The following ROBO2 variants were observed in gnomAD, a reference collection of about 807,000 sequenced individuals.
ROBO2 encodes the protein roundabout guidance receptor 2.
ROBO2 carries 53 observed loss-of-function variants against 160.8 expected under a neutral mutation model. The ratio of observed to expected loss-of-function variants is 0.33; its 90% CI spans 0.26 to 0.41. The LOEUF is 0.41. ROBO2 is among the 10% of genes least tolerant of loss of function. The probability of loss-of-function intolerance (pLI) is 1.00; values close to 1 mark genes in which losing one functional copy is unlikely to be tolerated. For synonymous variants in ROBO2, 664 were observed against 611.7 expected (o/e 1.09, Z -1.26); for missense variants, 1,577 against 1,722.4 (o/e 0.92, Z 1.49).
intron 2 of ROBO2, among the ~76,000 whole-genome samples, chr3:76,799,277 G>GA (rs1336631180): frequency 2.6e-5 from 4 of 151,924 alleles, no homozygotes; most frequent in African/African-American, 9.7e-5. Flanking sequence ...GTATCCTGCT[G>GA]AATGGGAAAA....
intron 2 of ROBO2, among the ~76,000 whole-genome samples, chr3:77,172,195 G>C (rs1389731090): frequency 6.6e-6 from 1 of 152,046 alleles, no homozygotes; most frequent in Non-Finnish European, 1.5e-5. Context: ...GAAGATTTTT[G>C]TCAGTTTCCC....
At chr3:76,474,581 G>A (rs1028366754) in intron 2 of ROBO2, among the ~76,000 whole-genome samples, 2 of 152,120 alleles carry the variant, frequency 1.3e-5, no homozygotes, top group African/African-American at 2.4e-5. Flanking sequence ...ACGACAATAA[G>A]TAAACACACA....
chr3:77,345,413 C>A (rs1351121706), intron 2 of ROBO2, among the ~76,000 whole-genome samples: 2 of 152,132 alleles, frequency 1.3e-5, no homozygotes, highest in Non-Finnish European at 2.9e-5. Context: ...GAGGGGTCTA[C>A]ATGAGGACAT....
At chr3:77,503,824 T>G (rs2088037007) in intron 5 of ROBO2, among the ~76,000 whole-genome samples, 2 of 152,088 alleles carry the variant, frequency 1.3e-5, no homozygotes, top group Admixed American at 1.3e-4. Flanking sequence ...TGGTATGAAT[T>G]AAAAGAGAAG....
At chr3:76,974,856 A>C (rs1359638220) in intron 2 of ROBO2, among the ~76,000 whole-genome samples, 1 of 152,164 alleles carries the variant, frequency 6.6e-6, no homozygotes, top group African/African-American at 2.4e-5. Context: ...TACCATTCAA[A>C]AAAGCAAAAG....
At chr3:77,614,110 A>C (rs1349968102) in intron 21 of ROBO2, among the ~76,000 whole-genome samples, 1 of 152,248 alleles carries the variant, frequency 6.6e-6, no homozygotes, top group East Asian at 1.9e-4. Flanking sequence ...CGGCTTAGAC[A>C]TATTCAATGG....
intron 2 of ROBO2, among the ~76,000 whole-genome samples, chr3:76,059,372 G>C (rs955255044): frequency 3.4e-4 from 52 of 152,134 alleles, no homozygotes; most frequent in African/African-American, 1.2e-3. Flanking sequence ...TCTCATTGTG[G>C]TTTTGATTTG....
At chr3:76,438,465 C>T (rs1000232838) in intron 2 of ROBO2, among the ~76,000 whole-genome samples, 5 of 151,236 alleles carry the variant, frequency 3.3e-5, no homozygotes, top group Non-Finnish European at 7.4e-5. Context: ...GATGGTAGCA[C>T]GTATTTTACA....
intron 2 of ROBO2, among the ~76,000 whole-genome samples, chr3:76,356,865 A>T (rs536846369): frequency 6.6e-6 from 1 of 152,048 alleles, no homozygotes; most frequent in South Asian, 2.1e-4. Flanking sequence ...CCTACTCATA[A>T]AATGTGTTGA....
At chr3:77,127,213 A>G (rs2075419632) in intron 2 of ROBO2, among the ~76,000 whole-genome samples, 2 of 152,048 alleles carry the variant, frequency 1.3e-5, no homozygotes, top group African/African-American at 4.8e-5. Context: ...TATGTTCAGG[A>G]GCACCTTTTT....
At chr3:77,601,326 A>C (rs969098248) in intron 19 of ROBO2, among the ~76,000 whole-genome samples, 6 of 152,300 alleles carry the variant, frequency 3.9e-5, no homozygotes, top group Admixed American at 2.6e-4. Context: ...CAGGATTAAA[A>C]ACAGTGTTAT....
intron 2 of ROBO2, among the ~76,000 whole-genome samples, chr3:76,807,811 G>GA (rs1170995188): frequency 6.6e-6 from 1 of 151,890 alleles, no homozygotes; most frequent in East Asian, 1.9e-4. Flanking sequence ...TATAATATAT[G>GA]AAAAATATTT....
At chr3:77,080,738 C>T (rs1490471455) in intron 1 of ROBO2, among the ~76,000 whole-genome samples, 2 of 152,122 alleles carry the variant, frequency 1.3e-5, no homozygotes, top group African/African-American at 4.8e-5. Context: ...GTGTCCTTTT[C>T]CTGATGCATA....
chr3:76,247,164 T>A (rs146349789), intron 2 of ROBO2, among the ~76,000 whole-genome samples: 128 of 152,250 alleles, frequency 8.4e-4, no homozygotes, highest in African/African-American at 3.0e-3. Context: ...ACTTTTCCAT[T>A]CCTTGTTACT....
At chr3:77,232,202 A>G (rs1234868466) in intron 2 of ROBO2, among the ~76,000 whole-genome samples, 2 of 152,214 alleles carry the variant, frequency 1.3e-5, no homozygotes, top group African/African-American at 4.8e-5. Context: ...TCAATTAGGA[A>G]ACATAAATAA....
At chr3:77,177,975 T>C (rs1173284148) in intron 2 of ROBO2, among the ~76,000 whole-genome samples, 1 of 152,080 alleles carries the variant, frequency 6.6e-6, no homozygotes, top group African/African-American at 2.4e-5. Flanking sequence ...TTCTGAATAT[T>C]TATGTGTCTA....
At chr3:76,985,882 C>T (rs1299741921) in intron 2 of ROBO2, among the ~76,000 whole-genome samples, 2 of 152,180 alleles carry the variant, frequency 1.3e-5, no homozygotes, top group African/African-American at 4.8e-5. Context: ...GGACCATTAA[C>T]TCCATGTGGT....
intron 2 of ROBO2, among the ~76,000 whole-genome samples, chr3:76,679,513 T>C (rs1173085862): frequency 6.6e-6 from 1 of 152,158 alleles, no homozygotes. Flanking sequence ...AGGCATGCTT[T>C]ATGCTGCCTG....
intron 2 of ROBO2, among the ~76,000 whole-genome samples, chr3:77,145,349 C>T (rs1382219841): frequency 6.6e-6 from 1 of 151,932 alleles, no homozygotes; most frequent in Non-Finnish European, 1.5e-5. Flanking sequence ...TTATGGTTAA[C>T]AAAAAAATGT....
Sources: allele counts gnomAD v4.1 joint callset (sites outside exome capture counted in the v4.1 genomes callset), GRCh38; gene constraint gnomAD v4.1.1; transcripts MANE v1.5; gene names NCBI Gene and HGNC (gene_info 2026-07-23, HGNC 2026-07-21).